The following FANCC variants were observed in gnomAD, a reference collection of about 807,000 sequenced individuals.
FANCC encodes the protein Fanconi anemia group C protein.
Under a neutral mutation model 71.3 loss-of-function variants are expected in FANCC, and 55 were observed. The ratio of observed to expected loss-of-function variants is 0.77; its 90% confidence interval spans 0.62 to 0.97. The LOEUF is 0.97. Among genes scored for constraint, FANCC ranks in the 50% least tolerant of loss-of-function variants. The pLI is 0.00. For synonymous variants in FANCC, 275 were observed against 244.9 expected, an observed-to-expected ratio of 1.12 and a Z score of -1.15; for missense variants, 678 against 670.9, an observed-to-expected ratio of 1.01 and a Z score of -0.12.
At chr9:95,298,260 T>C (rs907029378) in intron 1 of FANCC, among the ~76,000 whole-genome samples, 1 of 152,190 alleles carries the variant, frequency 6.6e-6, no homozygotes, top group Admixed American at 6.5e-5. Flanking sequence ...AAGATGTTGC[T>C]TAGGTTTCTG....
At chr9:95,264,592 G>A (rs1832271884) in intron 1 of FANCC, among the ~76,000 whole-genome samples, 2 of 152,050 alleles carry the variant, frequency 1.3e-5, no homozygotes, top group South Asian at 2.1e-4. Context: ...AAGTGGAGGC[G>A]ACCTGATAAA....
At chr9:95,186,948 C>T (rs1273979994) in intron 4 of FANCC, among the ~76,000 whole-genome samples, 19 of 152,090 alleles carry the variant, frequency 1.2e-4, no homozygotes, top group Admixed American at 1.1e-3. Flanking sequence ...TGCGCCACCA[C>T]GCCTGGCTAA....
chr9:95,200,589 G>A (rs1827745891), intron 4 of FANCC, among the ~76,000 whole-genome samples: 1 of 152,108 alleles, frequency 6.6e-6, no homozygotes, highest in Non-Finnish European at 1.5e-5. Context: ...GGAATTTCAG[G>A]CAAATGCCTT....
At position 95,290,465 on chromosome 9, in the gene FANCC, G is replaced by C. The variant is rs112382779; in HGVS notation, c.-79+27061C>G. On this transcript the variant is annotated intron_variant, in intron 1 of 14. Coordinates refer to ENST00000289081, the MANE Select transcript of FANCC (RefSeq NM_000136.3). ...CTCCCAAGAAGGAGATCTTGAAAAA[G>C]GGATTTGAGTAGAGTAGTTTATTTG... Among the ~76,000 whole-genome samples, 461 of 152,278 alleles carry C rather than the reference G, an allele frequency of 3.0e-3. 2 individuals carry two copies. The highest frequency in any genetic ancestry group is 0.011 in the African/African-American group (441 of 41,556).
intron 1 of FANCC, among the ~76,000 whole-genome samples, chr9:95,273,553 C>T (rs1832858211): frequency 6.6e-6 from 1 of 152,196 alleles, no homozygotes; most frequent in Non-Finnish European, 1.5e-5. Flanking sequence ...ATTTCTGCTC[C>T]GTTCAAGCAC....
chr9:95,227,009 A>G (rs770353946), intron 4 of FANCC, among the ~76,000 whole-genome samples: 1 of 152,086 alleles, frequency 6.6e-6, no homozygotes, highest in Non-Finnish European at 1.5e-5. Context: ...CAGTGCAGCT[A>G]AACTTTTTCC....
intron 4 of FANCC, among the ~76,000 whole-genome samples, chr9:95,214,467 G>T (rs557760600): frequency 1.3e-5 from 2 of 152,108 alleles, no homozygotes; most frequent in Admixed American, 1.3e-4. Flanking sequence ...ATTAAAAATA[G>T]AATTACCAGA....
intron 2 of FANCC, 140 bp from the exon 3 acceptor site, chr9:95,247,656 A>G: frequency 1.5e-6 from 1 of 668,336 alleles, no homozygotes; most frequent in Non-Finnish European, 2.7e-6. Flanking sequence ...GGATTAGAGA[A>G]GATCTTTAGG....
intron 1 of FANCC, among the ~76,000 whole-genome samples, chr9:95,304,619 G>A (rs1030547166): frequency 2.7e-5 from 4 of 150,924 alleles, no homozygotes; most frequent in African/African-American, 9.7e-5. Context: ...GCGTGGTGGC[G>A]AGCGCCTGTA....
At chr9:95,311,180 G>C (rs1429264537) in intron 1 of FANCC, among the ~76,000 whole-genome samples, 1 of 144,742 alleles carries the variant, frequency 6.9e-6, no homozygotes, top group East Asian at 2.0e-4. Context: ...CTTGCAATGA[G>C]CCGAGATCGC....
intron 4 of FANCC, among the ~76,000 whole-genome samples, chr9:95,235,736 T>A (rs577438223): frequency 7.1e-6 from 1 of 141,414 alleles, no homozygotes; most frequent in African/African-American, 2.6e-5. Flanking sequence ...CTGAGCTACT[T>A]GGGAGGCTGA....
chr9:95,242,890 C>T (rs1225845147), intron 3 of FANCC, among the ~76,000 whole-genome samples: 1 of 152,206 alleles, frequency 6.6e-6, no homozygotes, highest in Non-Finnish European at 1.5e-5. Context: ...TGGAGCATCC[C>T]ACAGGGCATG....
In FANCC at chr9:95,295,698, G is replaced by A. The variant is rs140951621; in HGVS notation, c.-79+21828C>T. On this transcript the variant is annotated intron_variant, in intron 1 of 14. Transcript: ENST00000289081. ...CAGGAGGATCTCTTGAGCCCCGGAG[G>A]TTGAGGCTACAGTGAGCTATGATCA... 8.6e-5 allele frequency among the ~76,000 whole-genome samples: 13 copies of A among 151,950 alleles called. No homozygotes were observed. The East Asian group carries it at 2.5e-3, about 29-fold the overall frequency.
chr9:95,247,212 C>CATGT (rs146412292), intron 3 of FANCC, among the ~76,000 whole-genome samples: 1 of 149,538 alleles, frequency 6.7e-6, no homozygotes, highest in Non-Finnish European at 1.5e-5. Context: ...TGCGTGCACG[C>CATGT]GTGTGTGTGT....
chr9:95,209,084 A>G (rs1204643249), intron 4 of FANCC, among the ~76,000 whole-genome samples: 4 of 152,206 alleles, frequency 2.6e-5, no homozygotes, highest in Non-Finnish European at 4.4e-5. Context: ...CACTTTAAAA[A>G]TGAGCTACTA....
chr9:95,147,868 G>A (rs189141998), intron 7 of FANCC, among the ~76,000 whole-genome samples: 225 of 152,278 alleles, frequency 1.5e-3, no homozygotes, highest in Non-Finnish European at 2.4e-3. Flanking sequence ...TGTATTGCTT[G>A]TACTTGTCTG....
At chr9:95,227,972 CA>C (rs1418454501) in intron 4 of FANCC, among the ~76,000 whole-genome samples, 2 of 152,158 alleles carry the variant, frequency 1.3e-5, no homozygotes, top group African/African-American at 4.8e-5. Flanking sequence ...GCCTCTTAAC[CA>C]CCCCTGCAAC....
intron 1 of FANCC, among the ~76,000 whole-genome samples, chr9:95,307,355 C>T (rs1835127058): frequency 6.6e-6 from 1 of 152,024 alleles, no homozygotes; most frequent in Non-Finnish European, 1.5e-5. Context: ...AAAAACCATG[C>T]TTATAAAACC....
At chr9:95,153,618 A>G (rs1443892337) in intron 6 of FANCC, among the ~76,000 whole-genome samples, 2 of 152,112 alleles carry the variant, frequency 1.3e-5, no homozygotes, top group East Asian at 3.9e-4. Flanking sequence ...CCATTTGTAC[A>G]TCTTCTTTTG....
Sources: allele counts gnomAD v4.1 joint callset (sites outside exome capture counted in the v4.1 genomes callset), GRCh38; gene constraint gnomAD v4.1.1; transcripts MANE v1.5; gene names NCBI Gene and HGNC (gene_info 2026-07-23, HGNC 2026-07-21).